Variants in ESRP1 observed in about 807,000 individuals in gnomAD.
The protein encoded by ESRP1 is RNA-binding motif protein 35A.
ESRP1 carries 33 observed loss-of-function variants against 81.7 expected under a neutral mutation model. The ratio of observed to expected loss-of-function variants is 0.40; its 90% confidence interval spans 0.31 to 0.54. The LOEUF (loss-of-function observed/expected upper bound fraction) is 0.54. Ranked by LOEUF, ESRP1 falls within the 20% of genes least tolerant of loss-of-function variation. ESRP1 has a pLI of 0.41. For missense variants in ESRP1, 672 were observed against 833.1 expected (o/e 0.81, Z 2.38); for synonymous variants, 320 against 303.3 (o/e 1.06, Z -0.57).
At position 94,665,175 on chromosome 8, in the gene ESRP1, G is replaced by T; in HGVS notation, c.910G>T (p.Asp304Tyr). 1 of 1,613,356 alleles carries T rather than the reference G, an allele frequency of 6.2e-7. No individual in the cohort carries two copies. The highest frequency in any genetic ancestry group is 1.3e-5 in the African/African-American group (1 of 75,040). Residue 304 changes from aspartate to tyrosine, a missense_variant, in exon 9 of 16, where the codon GAT (aspartate) becomes TAT (tyrosine). By Grantham distance (160) the Asp-to-Tyr change is radical. Coordinates refer to ENST00000433389, the MANE Select transcript of ESRP1 (RefSeq NM_017697.4). ...YIEVYKATGE[D>Y]FLKIAGGTSN... ...TCAGGTTTACAAAGCAACAGGTGAA[G>T]ATTTCCTTAAAATTGCTGGTGGTAA...
intron 11 of ESRP1, among the ~76,000 whole-genome samples, chr8:94,672,860 TATTA>T (rs1819397625): frequency 6.6e-6 from 1 of 152,266 alleles, no homozygotes; most frequent in African/African-American, 2.4e-5. Flanking sequence ...TGCAAAGCTG[TATTA>T]ATTTTTGAAA....
intron 9 of ESRP1, among the ~76,000 whole-genome samples, chr8:94,666,978 G>A (rs1047970340): frequency 2.7e-4 from 41 of 152,046 alleles, no homozygotes; most frequent in Admixed American, 2.0e-4. Flanking sequence ...CAAGGCAGGC[G>A]GATCACTTGT....
intron 15 of ESRP1, among the ~76,000 whole-genome samples, chr8:94,699,781 A>G (rs1809746063): frequency 6.6e-6 from 1 of 152,218 alleles, no homozygotes; most frequent in Admixed American, 6.5e-5. Flanking sequence ...AGACAGGTAT[A>G]AAGAAGTCAC....
Position 94,668,601 on chromosome 8 carries a change from T to A in ESRP1, c.1233+351T>A, listed in dbSNP as rs73265223. Among the ~76,000 whole-genome samples the A allele has an allele frequency of 8.0e-3, 1,214 of 152,314 alleles. 7 individuals carry two copies. Among genetic ancestry groups the A allele is most frequent in the African/African-American group, 0.024 (1,006 of 41,580 alleles). On this transcript the variant is annotated intron_variant, in intron 10 of 15. Transcript: ENST00000433389. Reference sequence around the variant, plus strand: ...TCCTCTAGTGTACACTTAGATTGATTTTTTTCTACCAGAAGAAATTTCTAT... The same window carrying A: ...TCCTCTAGTGTACACTTAGATTGATATTTTTCTACCAGAAGAAATTTCTAT...
intron 4 of ESRP1, among the ~76,000 whole-genome samples, chr8:94,650,537 G>A (rs1224514185): frequency 6.6e-6 from 1 of 152,104 alleles, no homozygotes. Flanking sequence ...TTTTAGCACT[G>A]AATTCCATTG....
rs781070206 is a variant in ESRP1, at chr8:94,665,165, A to G, written c.900A>G (p.Ala300=). The change falls in exon 9 of 16, where the codon GCA becomes GCG. Residue 300 remains alanine (A), a synonymous_variant. Coordinates refer to ENST00000433389, the MANE Select transcript of ESRP1 (RefSeq NM_017697.4). ...MGTRYIEVYK[A]TGEDFLKIAG... ...CTGTCTTTTCTCAGGTTTACAAAGCAACAGGTGAAGATTTCCTTAAAATTG... is the reference window on the plus strand; with the variant it reads ...CTGTCTTTTCTCAGGTTTACAAAGCGACAGGTGAAGATTTCCTTAAAATTG... 5.0e-6 allele frequency: 8 copies of G among 1,613,456 alleles called. No individual in the cohort carries two copies. In the Admixed American group the frequency reaches 1.3e-4, roughly 27 times the overall value.
intron 15 of ESRP1, among the ~76,000 whole-genome samples, chr8:94,701,259 A>G (rs1809825375): frequency 6.7e-6 from 1 of 149,058 alleles, no homozygotes; most frequent in African/African-American, 2.5e-5. Context: ...TGGGCGACAG[A>G]GCAAGACTCC....
intron 11 of ESRP1, among the ~76,000 whole-genome samples, chr8:94,672,417 T>C (rs1469221113): frequency 6.6e-6 from 1 of 152,234 alleles, no homozygotes; most frequent in East Asian, 1.9e-4. Flanking sequence ...TATTGTCACC[T>C]AATTTTTGGT....
At chr8:94,681,186 C>T (rs554503239) in intron 13 of ESRP1, among the ~76,000 whole-genome samples, 9 of 151,480 alleles carry the variant, frequency 5.9e-5, no homozygotes, top group Middle Eastern at 3.4e-3. Flanking sequence ...ATTAGCCGGG[C>T]GTGGTGATGG....
intron 14 of ESRP1, among the ~76,000 whole-genome samples, chr8:94,695,499 T>C (rs7815719): frequency 0.69 from 103,839 of 150,424 alleles, 37,259 homozygotes; most frequent in African/African-American, 0.9. Context: ...GGATTACACG[T>C]GTGCCACCAA....
At chr8:94,705,289 T>C (rs1444577682) in intron 15 of ESRP1, among the ~76,000 whole-genome samples, 1 of 148,008 alleles carries the variant, frequency 6.8e-6, no homozygotes, top group African/African-American at 2.5e-5. Flanking sequence ...TGCCTCAGCC[T>C]CCCACATAGC....
intron 15 of ESRP1, among the ~76,000 whole-genome samples, chr8:94,698,452 G>T (rs1039809023): frequency 2.0e-5 from 3 of 152,244 alleles, no homozygotes; most frequent in African/African-American, 4.8e-5. Context: ...TGATTGGAAA[G>T]TTTTTGTTGC....
At position 94,650,794 on chromosome 8, in the gene ESRP1, G is replaced by A. The variant is rs938491560; in HGVS notation, c.490+4512G>A. On this transcript the variant is annotated intron_variant, in intron 4 of 15. Transcript: ENST00000433389. ...GGGGCGCGATCTTGGCTAACTGCAA[G>A]CACCGCCTCCAGGTTCACACCATTC... is the stretch of plus-strand genomic sequence containing the variant. Among the ~76,000 whole-genome samples, 3 of 138,508 alleles carry A rather than the reference G, an allele frequency of 2.2e-5. No individual in the cohort carries two copies. The East Asian group carries it at 6.2e-4, about 28-fold the overall frequency. The allele number at this position is 138,508 out of a possible 152,430, so 90.9% of individuals were successfully genotyped here.
chr8:94,648,404 CT>C (rs1233746943), intron 4 of ESRP1, among the ~76,000 whole-genome samples: 1 of 152,164 alleles, frequency 6.6e-6, no homozygotes, highest in Non-Finnish European at 1.5e-5. Context: ...TATTTTATGA[CT>C]ACTATTCAGA....
intron 9 of ESRP1, among the ~76,000 whole-genome samples, chr8:94,665,987 C>G (rs1818997166): frequency 6.6e-6 from 1 of 152,066 alleles, no homozygotes; most frequent in Admixed American, 6.5e-5. Flanking sequence ...CAGGGTGGAA[C>G]AGATGTGGTT....
At chr8:94,702,213 G>A (rs1809868582) in intron 15 of ESRP1, among the ~76,000 whole-genome samples, 1 of 152,220 alleles carries the variant, frequency 6.6e-6, no homozygotes. Context: ...AGGCTGGAGT[G>A]TAGTACTTAG....
chr8:94,680,786 T>C (rs1336164165), intron 13 of ESRP1, among the ~76,000 whole-genome samples: 1 of 152,182 alleles, frequency 6.6e-6, no homozygotes, highest in African/African-American at 2.4e-5. Flanking sequence ...TAAAAAACTT[T>C]GTTATGTAAA....
chr8:94,641,506 G>A, intron 1 of ESRP1, 56 bp downstream of exon 1: 2 of 1,611,048 alleles, frequency 1.2e-6, no homozygotes, highest in East Asian at 2.2e-5. Context: ...GTTTGTGGTA[G>A]AGGTTTGGGC....
At chr8:94,671,782 G>GATAA in intron 11 of ESRP1, 111 bp downstream of exon 11, 1 of 645,794 alleles carries the variant, frequency 1.5e-6, no homozygotes, top group Non-Finnish European at 2.4e-6. Context: ...TTAGATATTA[G>GATAA]TCTTTGATAA....
Sources: allele counts gnomAD v4.1 joint callset (sites outside exome capture counted in the v4.1 genomes callset), GRCh38; gene constraint gnomAD v4.1.1; transcripts MANE v1.5; gene names NCBI Gene and HGNC (gene_info 2026-07-23, HGNC 2026-07-21).